DLGAP2: variants seen among roughly 807,000 people sequenced by gnomAD.
DLGAP2 encodes the protein DLG associated protein 2.
In DLGAP2, 26 loss-of-function variants were observed where a neutral mutation model predicts 100.3. The ratio of observed to expected loss-of-function variants is 0.26; its 90% confidence interval spans 0.19 to 0.36. The LOEUF (loss-of-function observed/expected upper bound fraction) is 0.36. Ranked by LOEUF, DLGAP2 falls within the 10% of genes least tolerant of loss-of-function variation. The probability of loss-of-function intolerance (pLI) is 1.00; values close to 1 mark genes in which losing one functional copy is unlikely to be tolerated. For missense variants in DLGAP2, 1,858 were observed against 1,453.2 expected (o/e 1.28, Z -4.53); for synonymous variants, 886 against 630.1 (o/e 1.41, Z -6.08).
chr8:810,859 GT>G (rs1796357278), intron 1 of DLGAP2, among the ~76,000 whole-genome samples: 1 of 152,206 alleles, frequency 6.6e-6, no homozygotes, highest in African/African-American at 2.4e-5. Context: ...TTAGGGACAT[GT>G]GTTTACACGG....
At chr8:1,323,822 C>A (rs544992356) in intron 3 of DLGAP2, among the ~76,000 whole-genome samples, 4 of 152,224 alleles carry the variant, frequency 2.6e-5, no homozygotes, top group Non-Finnish European at 5.9e-5. Context: ...CCTTTCCTAA[C>A]CACCTGTTCC....
chr8:1,681,325 A>C (rs1337934556), intron 12 of DLGAP2, among the ~76,000 whole-genome samples: 1 of 146,868 alleles, frequency 6.8e-6, no homozygotes, highest in African/African-American at 2.6e-5. Context: ...TTGAAAAGAT[A>C]TCTTTTAAAA....
At chr8:1,303,449 T>A (rs1800413770) in intron 3 of DLGAP2, among the ~76,000 whole-genome samples, 1 of 151,250 alleles carries the variant, frequency 6.6e-6, no homozygotes, top group Non-Finnish European at 1.5e-5. Context: ...AGGAGTGTTT[T>A]CCTCCAAGAT....
At chr8:1,425,778 C>T (rs994095234) in intron 3 of DLGAP2, among the ~76,000 whole-genome samples, 6 of 152,156 alleles carry the variant, frequency 3.9e-5, no homozygotes, top group African/African-American at 1.2e-4. Flanking sequence ...CACAGCAAAG[C>T]CGCTGCAGGA....
chr8:1,139,127 C>T lies in DLGAP2; in HGVS notation c.74-119724C>T, dbSNP rs555935182. 4.1e-4 allele frequency among the ~76,000 whole-genome samples: 62 copies of T among 152,302 alleles called. No individual in the cohort carries two copies. In the Middle Eastern group the frequency reaches 0.01, roughly 25 times the overall value. Reference sequence around the variant, plus strand: ...TGACTGTTTCCTGAGCGCCTGCTGCCGGCCGCTGCGGCCTGGCTGGGGGGA... The same window carrying T: ...TGACTGTTTCCTGAGCGCCTGCTGCTGGCCGCTGCGGCCTGGCTGGGGGGA... On this transcript the variant is annotated intron_variant, in intron 2 of 14. Transcript: ENST00000637795.
At chr8:1,010,217 C>T (rs1000770193) in intron 2 of DLGAP2, among the ~76,000 whole-genome samples, 1 of 152,094 alleles carries the variant, frequency 6.6e-6, no homozygotes, top group South Asian at 2.1e-4. Context: ...ACTCAGATAT[C>T]AGTTTTATAC....
intron 2 of DLGAP2, among the ~76,000 whole-genome samples, chr8:973,888 T>TCCGCCACCGCCGCCA (rs370439356): frequency 2.8e-4 from 39 of 139,124 alleles, no homozygotes; most frequent in African/African-American, 9.0e-4. Context: ...CTTCCCCTCC[T>TCCGCCACCGCCGCCA]CCGCCACCGC....
intron 2 of DLGAP2, among the ~76,000 whole-genome samples, chr8:1,020,796 G>A (rs1413428928): frequency 6.6e-6 from 1 of 152,180 alleles, no homozygotes; most frequent in African/African-American, 2.4e-5. Flanking sequence ...CTCCAGCCAC[G>A]GGTTTGGGAC....
intron 8 of DLGAP2, among the ~76,000 whole-genome samples, chr8:1,641,223 G>A (rs1353789143): frequency 3.3e-5 from 5 of 152,206 alleles, no homozygotes; most frequent in Admixed American, 2.0e-4. Flanking sequence ...TGCAGAAGGC[G>A]AGCGTGATGC....
chr8:1,252,727 G>C (rs1016501520), intron 2 of DLGAP2, among the ~76,000 whole-genome samples: 1 of 152,262 alleles, frequency 6.6e-6, no homozygotes, highest in African/African-American at 2.4e-5. Flanking sequence ...ATGGCGGCCA[G>C]GCAGGCCTGC....
At chr8:1,469,795 A>G (rs1000501479) in intron 3 of DLGAP2, among the ~76,000 whole-genome samples, 1 of 152,104 alleles carries the variant, frequency 6.6e-6, no homozygotes, top group African/African-American at 2.4e-5. Flanking sequence ...AGAGGAACCA[A>G]CTTTAAAAGT....
chr8:1,329,086 G>A (rs1033865416), intron 3 of DLGAP2, among the ~76,000 whole-genome samples: 2 of 152,178 alleles, frequency 1.3e-5, no homozygotes, highest in African/African-American at 2.4e-5. Context: ...GGTGACAAGC[G>A]ACAAGCGACG....
intron 2 of DLGAP2, among the ~76,000 whole-genome samples, chr8:908,353 CTGTT>C (rs1285346410): frequency 6.6e-6 from 1 of 152,112 alleles, no homozygotes; most frequent in Non-Finnish European, 1.5e-5. Flanking sequence ...TGTTTGGAAT[CTGTT>C]TGCAGTCAAG....
At chr8:1,315,574 C>G (rs1223768790) in intron 3 of DLGAP2, among the ~76,000 whole-genome samples, 4 of 141,704 alleles carry the variant, frequency 2.8e-5, no homozygotes, top group East Asian at 2.2e-4. Flanking sequence ...AGAGCCTGTA[C>G]GAGTGCAGCG....
chr8:1,218,622 T>A (rs1374369752), intron 2 of DLGAP2, among the ~76,000 whole-genome samples: 1 of 152,204 alleles, frequency 6.6e-6, no homozygotes, highest in South Asian at 2.1e-4. Flanking sequence ...TTCAGGCTCT[T>A]TTTTGTTTTA....
At chr8:1,580,743 C>G (rs1333401606) in intron 6 of DLGAP2, among the ~76,000 whole-genome samples, 1 of 151,984 alleles carries the variant, frequency 6.6e-6, no homozygotes, top group Non-Finnish European at 1.5e-5. Context: ...CATCTACATA[C>G]CACAGTCAAA....
intron 1 of DLGAP2, among the ~76,000 whole-genome samples, chr8:890,666 C>G (rs908468225): frequency 3.3e-5 from 5 of 152,028 alleles, no homozygotes; most frequent in Non-Finnish European, 1.5e-5. Flanking sequence ...CCCTCACCCA[C>G]CCGGTGCCAC....
At chr8:1,428,522 C>T (rs1797301692) in intron 3 of DLGAP2, among the ~76,000 whole-genome samples, 1 of 151,970 alleles carries the variant, frequency 6.6e-6, no homozygotes, top group South Asian at 2.1e-4. Context: ...ACAAAACAGG[C>T]CAAGGACAGA....
At chr8:1,617,207 T>A (rs1440383921) in intron 6 of DLGAP2, among the ~76,000 whole-genome samples, 1 of 152,368 alleles carries the variant, frequency 6.6e-6, no homozygotes, top group African/African-American at 2.4e-5. Context: ...TGTGTTTTAA[T>A]GGTAGAATGA....
Sources: gnomAD v4.1 joint callset for allele counts (sites outside exome capture counted in the v4.1 genomes callset) on GRCh38, gnomAD v4.1.1 for gene constraint, MANE v1.5 for transcripts, NCBI Gene and HGNC (gene_info 2026-07-23, HGNC 2026-07-21) for gene names.